The following USH2A variants were observed in gnomAD, a reference collection of about 807,000 sequenced individuals.
USH2A encodes the protein Usher syndrome 2A (autosomal recessive, mild).
A neutral mutation model predicts 538.9 loss-of-function variants in USH2A; 443 were observed. The observed-to-expected ratio is 0.82, with a 90% CI of 0.76 to 0.89. The LOEUF is 0.89. Among genes scored for constraint, USH2A ranks in the 40% least tolerant of loss-of-function variants. The probability of loss-of-function intolerance (pLI) is 0.00; values close to 1 mark genes in which losing one functional copy is unlikely to be tolerated. For missense variants in USH2A, 6,633 were observed against 6,324.8 expected (o/e 1.05, Z -1.65); for synonymous variants, 2,413 against 2,273.5 (o/e 1.06, Z -1.75).
At chr1:216,178,419 C>T (rs1278780808) in intron 20 of USH2A, among the ~76,000 whole-genome samples, 1 of 152,126 alleles carries the variant, frequency 6.6e-6, no homozygotes, top group Non-Finnish European at 1.5e-5. Context: ...CTAAGCCATT[C>T]AGAAATTTCT....
At chr1:215,825,655 T>C (rs920189944) in intron 47 of USH2A, among the ~76,000 whole-genome samples, 22 of 141,978 alleles carry the variant, frequency 1.5e-4, no homozygotes, top group Non-Finnish European at 2.8e-4. Context: ...TTACACAGGC[T>C]TTTTTTCTAA....
chr1:215,934,599 C>G lies in USH2A; in HGVS notation c.7300+17G>C, dbSNP rs1172521480. 4.3e-6 allele frequency: 7 copies of G among 1,609,832 alleles called. No homozygotes were observed. Among genetic ancestry groups the G allele is most frequent in the Non-Finnish European group, 5.9e-6 (7 of 1,177,194 alleles). On this transcript the variant is annotated intron_variant, in intron 38 of 71. Transcript: ENST00000307340. Reference sequence around the variant, plus strand: ...CATTTATATAAAATTAGATAGCCAACATTTGCATAGACTTACCTCCTGGAG... The same window carrying G: ...CATTTATATAAAATTAGATAGCCAAGATTTGCATAGACTTACCTCCTGGAG...
intron 38 of USH2A, among the ~76,000 whole-genome samples, chr1:215,906,695 C>T (rs1483063688): frequency 6.6e-6 from 1 of 151,984 alleles, no homozygotes; most frequent in Non-Finnish European, 1.5e-5. Context: ...CCCATCATTC[C>T]ACAAGGTATC....
At chr1:216,024,902 C>G (rs1384941575) in intron 32 of USH2A, among the ~76,000 whole-genome samples, 1 of 151,790 alleles carries the variant, frequency 6.6e-6, no homozygotes, top group African/African-American at 2.4e-5. Flanking sequence ...CAGTCAATTA[C>G]AATATAAAAC....
intron 61 of USH2A, among the ~76,000 whole-genome samples, chr1:215,703,871 ACTC>A (rs1425005495): frequency 6.7e-6 from 1 of 148,346 alleles, no homozygotes; most frequent in South Asian, 2.2e-4. Context: ...GGAAAAAAAA[ACTC>A]CTGCAGCTAC....
chr1:215,985,276 T>G (rs200459607), intron 35 of USH2A, among the ~76,000 whole-genome samples: 1 of 152,200 alleles, frequency 6.6e-6, no homozygotes. Flanking sequence ...ACACAGATCT[T>G]ATGAATTTTA....
chr1:216,091,508 A>G (rs1285249622), intron 22 of USH2A, among the ~76,000 whole-genome samples: 1 of 152,236 alleles, frequency 6.6e-6, no homozygotes, highest in African/African-American at 2.4e-5. Context: ...ATCTTTTAAC[A>G]ATGGCAAGTG....
At chr1:216,151,630 G>A in intron 21 of USH2A, among the ~76,000 whole-genome samples, 1 of 152,124 alleles carries the variant, frequency 6.6e-6, no homozygotes. Flanking sequence ...CCAGGCCCAA[G>A]TTGACTCTTT....
intron 3 of USH2A, among the ~76,000 whole-genome samples, chr1:216,380,062 T>C (rs1201076096): frequency 6.6e-6 from 1 of 152,178 alleles, no homozygotes; most frequent in Non-Finnish European, 1.5e-5. Flanking sequence ...AGGAGAGAAT[T>C]GATAAGGAAT....
chr1:216,046,288 G>A (rs2030517640), intron 32 of USH2A, 143 bp downstream of exon 32: 1 of 828,218 alleles, frequency 1.2e-6, no homozygotes, highest in East Asian at 2.7e-5. Flanking sequence ...TAATTGTTCT[G>A]TTGTTATTTT....
intron 21 of USH2A, among the ~76,000 whole-genome samples, chr1:216,170,815 A>G (rs992152997): frequency 6.6e-6 from 1 of 152,082 alleles, no homozygotes; most frequent in Non-Finnish European, 1.5e-5. Flanking sequence ...TGCATTCCTG[A>G]AAAAAACGAG....
Position 215,993,038 on chromosome 1 carries a change from C to T in USH2A, c.6787G>A (p.Glu2263Lys). The T allele has an allele frequency of 6.2e-7, 1 of 1,614,114 alleles. No individual in the cohort carries two copies. Among genetic ancestry groups the T allele is most frequent in the Non-Finnish European group, 8.5e-7 (1 of 1,179,984 alleles). ...CACTTACCATTCGGATATTCAGGCT[C>T]AGTCCAGGAGACATTAAAGGAGTCA... ...SPDSFNVSWT[E>K]PEYPNGVITS... The change falls in exon 35 of 72, where the codon GAG becomes AAG. Residue 2263 changes from glutamate to lysine, a missense_variant. By Grantham distance (56) the Glu-to-Lys change is moderately conservative. Transcript: ENST00000307340.
chr1:216,315,423 G>A (rs1307406766), intron 9 of USH2A, among the ~76,000 whole-genome samples: 3 of 152,144 alleles, frequency 2.0e-5, no homozygotes, highest in African/African-American at 7.2e-5. Context: ...ATAGAAATAA[G>A]ATTGGTGGTT....
At chr1:216,022,314 G>T (rs903533974) in intron 32 of USH2A, among the ~76,000 whole-genome samples, 1 of 152,128 alleles carries the variant, frequency 6.6e-6, no homozygotes, top group South Asian at 2.1e-4. Context: ...GGGGTTGTGG[G>T]GGACAGTCAT....
chr1:215,962,954 T>C (rs1667238572), intron 37 of USH2A, among the ~76,000 whole-genome samples: 1 of 152,086 alleles, frequency 6.6e-6, no homozygotes, highest in African/African-American at 2.4e-5. Flanking sequence ...GAGGGTGTCT[T>C]ACAGACACAG....
In USH2A at chr1:215,979,518, G is replaced by T. The variant is rs560374063; in HGVS notation, c.6806-8742C>A. Among the ~76,000 whole-genome samples the T allele has an allele frequency of 3.3e-5, 5 of 152,228 alleles. No homozygotes were observed. In the South Asian group the frequency reaches 1.0e-3, roughly 32 times the overall value. On this transcript the variant is annotated intron_variant, in intron 35 of 71. Transcript: ENST00000307340. ...CACATGTAAAATAGACTGGAGTAGG[G>T]AAGCCCATGCAGGTAGTAACAGTGA... is the stretch of plus-strand genomic sequence containing the variant.
chr1:216,303,185 A>G (rs1450082692), intron 9 of USH2A, among the ~76,000 whole-genome samples: 1 of 151,992 alleles, frequency 6.6e-6, no homozygotes, highest in African/African-American at 2.4e-5. Context: ...GAGGATTTTA[A>G]AGTTTATTCA....
intron 21 of USH2A, among the ~76,000 whole-genome samples, chr1:216,126,588 C>T (rs998049292): frequency 6.6e-6 from 1 of 151,988 alleles, no homozygotes; most frequent in Non-Finnish European, 1.5e-5. Flanking sequence ...TTTATAATAA[C>T]TATTTTACCC....
rs547632778 is a variant in USH2A at position 215,740,796 on chromosome 1, G to A, written c.11711+579C>T. ...TACACACTGGGGCAATGCAGTTAGG[G>A]TGTACGGTTTCAAGATGAAATTATT... On this transcript the variant is annotated intron_variant, in intron 60 of 71. Coordinates refer to ENST00000307340, the MANE Select transcript of USH2A (RefSeq NM_206933.4). Among the ~76,000 whole-genome samples, 18 of 152,298 alleles carry A rather than the reference G, an allele frequency of 1.2e-4. 1 individual carries two copies. The South Asian group carries it at 3.7e-3, about 32-fold the overall frequency.
Sources: gnomAD v4.1 joint callset for allele counts (sites outside exome capture counted in the v4.1 genomes callset) on GRCh38, gnomAD v4.1.1 for gene constraint, MANE v1.5 for transcripts, NCBI Gene and HGNC (gene_info 2026-07-23, HGNC 2026-07-21) for gene names.